Variants in ZFC3H1 observed in about 807,000 individuals in gnomAD.
The protein encoded by ZFC3H1 is zinc finger C3H1-type containing.
Under a neutral mutation model 243.7 loss-of-function variants are expected in ZFC3H1, and 71 were observed. That is an observed-to-expected ratio of 0.29 (90% CI 0.24 to 0.36). The LOEUF (loss-of-function observed/expected upper bound fraction) is 0.36, where lower values mean the gene tolerates loss of function less well. Ranked by LOEUF, ZFC3H1 falls within the 10% of genes least tolerant of loss-of-function variation. ZFC3H1 has a pLI of 1.00. For synonymous variants in ZFC3H1, 838 were observed against 813.0 expected (o/e 1.03, Z -0.52); for missense variants, 1,966 against 2,317.1 (o/e 0.85, Z 3.11).
At chr12:71,658,990 A>T (rs148546495) in intron 1 of ZFC3H1, among the ~76,000 whole-genome samples, 98 of 152,268 alleles carry the variant, frequency 6.4e-4, no homozygotes, top group African/African-American at 2.3e-3. Context: ...ATCTGACACC[A>T]TAAACCACTT....
intron 6 of ZFC3H1, among the ~76,000 whole-genome samples, chr12:71,640,971 T>C (rs1274744850): frequency 1.3e-5 from 2 of 152,086 alleles, no homozygotes; most frequent in Admixed American, 6.5e-5. Context: ...TCTTCAAATA[T>C]AATATGTCTG....
intron 6 of ZFC3H1, among the ~76,000 whole-genome samples, chr12:71,641,102 CTA>C (rs1174261877): frequency 2.0e-5 from 3 of 151,972 alleles, no homozygotes; most frequent in African/African-American, 7.2e-5. Flanking sequence ...AGTATGTTCT[CTA>C]TATGTTTCAC....
chr12:71,663,508 G>C lies in ZFC3H1; in HGVS notation c.103C>G (p.Gln35Glu). 1.2e-6 allele frequency: 2 copies of C among 1,613,582 alleles called. No homozygotes were observed. Among genetic ancestry groups the C allele is most frequent in the Middle Eastern group, 1.6e-4 (1 of 6,062 alleles). The change falls in exon 1 of 35, where the codon CAG becomes GAG. Residue 35 changes from glutamine to glutamate, a missense_variant. Coordinates refer to ENST00000378743, the MANE Select transcript of ZFC3H1 (RefSeq NM_144982.5). ...GEISDDDNNS[Q>E]IRSRSSSSSS... ...CTGCTGCTGCTCCGACTCCGTATCT[G>C]GCTGTTATTATCGTCGTCACTGATT... is the stretch of plus-strand genomic sequence containing the variant.
chr12:71,656,652 A>G, intron 2 of ZFC3H1: 1 of 585,174 alleles, frequency 1.7e-6, no homozygotes, highest in South Asian at 2.4e-5. Flanking sequence ...ATTATCACTT[A>G]TGTATAACAT....
Position 71,637,000 on chromosome 12 carries a change from T to G in ZFC3H1, c.1785A>C (p.Leu595=), listed in dbSNP as rs867818652. ...GAGGTGGTAATGGTGGTAGAGGAGG[T>G]AGAGGTTCAAGAGAAACACACAAGC... ...VEGLCVSLEP[L]PPLPPLPPLP... The change falls in exon 8 of 35, where the codon CTA becomes CTC. Residue 595 remains leucine (L), a synonymous_variant. Transcript: ENST00000378743. 2 of 1,613,868 alleles carry G rather than the reference T, an allele frequency of 1.2e-6. 1 individual carries two copies.
chr12:71,615,193 G>A lies in ZFC3H1; in HGVS notation c.5255+13C>T. The A allele has an allele frequency of 6.3e-7, 1 of 1,576,430 alleles. No homozygotes were observed. The highest frequency in any genetic ancestry group is 8.7e-7 in the Non-Finnish European group (1 of 1,148,312). On this transcript the variant is annotated intron_variant, in intron 28 of 34. Coordinates refer to ENST00000378743, the MANE Select transcript of ZFC3H1 (RefSeq NM_144982.5). Reference sequence around the variant, plus strand: ...GCCTAGTATGCAATATCTCTCCACAGTGGATGTCTCACCAGTAAATCAGCC... The same window carrying A: ...GCCTAGTATGCAATATCTCTCCACAATGGATGTCTCACCAGTAAATCAGCC...
At position 71,624,336 on chromosome 12, in the gene ZFC3H1, T is replaced by C. The variant is rs1880105275; in HGVS notation, c.4318-44A>G. On this transcript the variant is annotated intron_variant, in intron 22 of 34. Coordinates refer to ENST00000378743, the MANE Select transcript of ZFC3H1 (RefSeq NM_144982.5). ...TATTATTAATGTTGCCTTTCAGGAA[T>C]AAACCAAAACTACAGACTTTTCACA... The C allele has an allele frequency of 5.3e-6, 8 of 1,521,842 alleles. No homozygotes were observed. The East Asian group carries it at 9.1e-5, about 17-fold the overall frequency. The allele number at this position is 1,521,842 out of a possible 1,614,324, so 94.3% of individuals were successfully genotyped here.
intron 1 of ZFC3H1, among the ~76,000 whole-genome samples, chr12:71,657,569 C>T (rs778879873): frequency 4.6e-5 from 7 of 152,190 alleles, no homozygotes; most frequent in Non-Finnish European, 7.3e-5. Flanking sequence ...CACAGACAGT[C>T]CACCTAGTTA....
chr12:71,658,969 C>T (rs970490991), intron 1 of ZFC3H1, among the ~76,000 whole-genome samples: 4 of 152,174 alleles, frequency 2.6e-5, no homozygotes, highest in African/African-American at 9.6e-5. Context: ...TTTTACCTGA[C>T]CCCTCTGAGA....
In ZFC3H1 at chr12:71,632,048, T is replaced by C; in HGVS notation, c.3284A>G (p.Tyr1095Cys). The change falls in exon 15 of 35, where the codon TAT becomes TGT. Residue 1095 changes from tyrosine (Y) to cysteine (C), a missense_variant. This residue lies in a region of ZFC3H1 where 1,383 missense variants were observed against 1,723.7 expected (regional missense o/e 0.80). Transcript: ENST00000378743. ...CTGTTTTAGGCTGTCAGCTTTTGAA[T>C]ACAATTTTTGCAATTCACCAATTTT... Reference protein sequence around the residue: ...GLKIGELQKLYSKADSLKQLI... With the variant: ...GLKIGELQKLCSKADSLKQLI... 1.9e-6 allele frequency: 3 copies of C among 1,609,296 alleles called. No individual in the cohort carries two copies. The highest frequency in any genetic ancestry group is 2.2e-5 in the South Asian group (2 of 90,364).
chr12:71,661,321 T>TA (rs1881169577), intron 1 of ZFC3H1, among the ~76,000 whole-genome samples: 2 of 151,762 alleles, frequency 1.3e-5, no homozygotes, highest in Non-Finnish European at 2.9e-5. Context: ...AATAAATAAA[T>TA]AAAAACCATA....
At chr12:71,650,730 T>C (rs1592601397) in intron 2 of ZFC3H1, among the ~76,000 whole-genome samples, 3 of 152,214 alleles carry the variant, frequency 2.0e-5, no homozygotes, top group African/African-American at 2.4e-5. Flanking sequence ...CTGAATATAG[T>C]AGAGATGTCT....
Position 71,620,235 on chromosome 12 carries a change from T to C in ZFC3H1, c.4825A>G (p.Ile1609Val). 1 of 1,614,190 alleles carries C rather than the reference T, an allele frequency of 6.2e-7. No individual in the cohort carries two copies. The highest frequency in any genetic ancestry group is 8.5e-7 in the Non-Finnish European group (1 of 1,180,026). ...CTCTCCAGGAGTTGGTGCAGAGCAATCATGTTTGTGTAAAGTGGAAGGCAG... is the reference window on the plus strand; with the variant it reads ...CTCTCCAGGAGTTGGTGCAGAGCAACCATGTTTGTGTAAAGTGGAAGGCAG... ...EACLPLYTNM[I>V]ALHQLLERYE... is the part of the protein sequence containing the mutation. Residue 1609 changes from isoleucine (I) to valine (V), a missense_variant, in exon 25 of 35, where the codon ATT becomes GTT. Physicochemically the swap from Ile to Val is conservative, Grantham distance 29 (BLOSUM62 3). Transcript: ENST00000378743.
chr12:71,645,697 CAA>C (rs1408378828), intron 3 of ZFC3H1, among the ~76,000 whole-genome samples: 1 of 152,162 alleles, frequency 6.6e-6, no homozygotes, highest in African/African-American at 2.4e-5. Flanking sequence ...TTTGAACAGA[CAA>C]GACTTTTCTT....
chr12:71,639,471 A>C, intron 6 of ZFC3H1: 1 of 178,636 alleles, frequency 5.6e-6, no homozygotes, highest in South Asian at 6.0e-5. Flanking sequence ...TGAATGTTTA[A>C]TAGTCAGACA....
At chr12:71,631,584 G>A (rs746046570) in intron 16 of ZFC3H1, among the ~76,000 whole-genome samples, 194 bp downstream of exon 16, 21 of 152,012 alleles carry the variant, frequency 1.4e-4, no homozygotes, top group Non-Finnish European at 2.9e-5. Context: ...AATTTGATAC[G>A]AACTGATAAA....
At chr12:71,641,886 GTCAC>G (rs1391741791) in intron 6 of ZFC3H1, among the ~76,000 whole-genome samples, 4 of 152,078 alleles carry the variant, frequency 2.6e-5, no homozygotes, top group African/African-American at 9.7e-5. Context: ...ATCTTGCTCT[GTCAC>G]TCAGGCGGGA....
chr12:71,624,066 T>C lies in ZFC3H1; in HGVS notation c.4506+38A>G, dbSNP rs567586603. ...AACGGTGTAGACCTTTTAAACTTTT[T>C]CTGCAAAATGCAATTAAATGCTGTA... On this transcript the variant is annotated intron_variant, in intron 23 of 34. Coordinates refer to ENST00000378743, the MANE Select transcript of ZFC3H1 (RefSeq NM_144982.5). The C allele has an allele frequency of 4.4e-5, 69 of 1,567,918 alleles. No homozygotes were observed. In the East Asian group the frequency reaches 1.5e-3, roughly 34 times the overall value.
chr12:71,621,812 C>G (rs569981620), intron 24 of ZFC3H1, among the ~76,000 whole-genome samples: 1 of 152,026 alleles, frequency 6.6e-6, no homozygotes, highest in Admixed American at 6.5e-5. Flanking sequence ...TCAACCCCCC[C>G]GCCTCACCCC....
Sources: allele counts gnomAD v4.1 joint callset (sites outside exome capture counted in the v4.1 genomes callset), GRCh38; gene constraint gnomAD v4.1.1; regional missense constraint gnomAD v4.1.1; transcripts MANE v1.5; gene names NCBI Gene and HGNC (gene_info 2026-07-23, HGNC 2026-07-21).